SH3GL1: variants seen among roughly 807,000 people sequenced by gnomAD.
SH3GL1 encodes SH3 domain containing GRB2 like 1, endophilin A2, also known as endophilin-A2.
In SH3GL1, 21 loss-of-function variants were observed where a neutral mutation model predicts 48.8. The ratio of observed to expected loss-of-function variants is 0.43; its 90% CI spans 0.30 to 0.62. The LOEUF (loss-of-function observed/expected upper bound fraction) is 0.62. Among genes scored for constraint, SH3GL1 ranks in the 20% least tolerant of loss-of-function variants. SH3GL1 has a pLI of 0.11. For synonymous variants in SH3GL1, 282 were observed against 217.5 expected, an observed-to-expected ratio of 1.30 and a Z score of -2.61; for missense variants, 454 against 503.0, an observed-to-expected ratio of 0.90 and a Z score of 0.93.
intron 1 of SH3GL1, among the ~76,000 whole-genome samples, chr19:4,371,229 G>A (rs1024137266): frequency 4.6e-5 from 7 of 152,268 alleles, no homozygotes; most frequent in African/African-American, 1.7e-4. Flanking sequence ...AGAATACAAG[G>A]TGGAAAAATA....
At chr19:4,394,805 G>C (rs1973396735) in intron 1 of SH3GL1, among the ~76,000 whole-genome samples, 1 of 152,230 alleles carries the variant, frequency 6.6e-6, no homozygotes, top group Non-Finnish European at 1.5e-5. Context: ...GGTTTCTTAA[G>C]CTCAACTCTA....
intron 1 of SH3GL1, among the ~76,000 whole-genome samples, chr19:4,371,929 GGT>G (rs1167475019): frequency 3.3e-5 from 5 of 152,276 alleles, no homozygotes; most frequent in African/African-American, 1.2e-4. Flanking sequence ...AGAAATGGCA[GGT>G]GGGCACGGCT....
Position 4,400,434 on chromosome 19 carries a change from C to T in SH3GL1, c.-66G>A, listed in dbSNP as rs1599628561. On this transcript the variant is annotated 5_prime_UTR_variant, in exon 1 of 10. Transcript: ENST00000269886. The surrounding 1 kb of genome is among the most constrained non-coding windows in gnomAD (Gnocchi z 4.1). ...GCGACAGGCTCCCGGGCGCCGCCGA[C>T]CCTCTGCGCGCCTCAGCAGTCCCCG... 6.9e-7 allele frequency: 1 copy of T among 1,451,130 alleles called. No homozygotes were observed. The highest frequency in any genetic ancestry group is 9.1e-7 in the Non-Finnish European group (1 of 1,103,180). The allele number at this position is 1,451,130 out of a possible 1,614,324, so 89.9% of individuals were successfully genotyped here.
At chr19:4,398,792 A>G (rs1973467905) in intron 1 of SH3GL1, among the ~76,000 whole-genome samples, 1 of 152,180 alleles carries the variant, frequency 6.6e-6, no homozygotes, top group Non-Finnish European at 1.5e-5. Context: ...GGAGTTTCCA[A>G]AAAAAACCCT....
chr19:4,366,705 G>A lies in SH3GL1; in HGVS notation c.115-132C>T, dbSNP rs1158240689. 4 of 965,290 alleles carry A rather than the reference G, an allele frequency of 4.1e-6. No homozygotes were observed. The African/African-American group carries it at 4.8e-5, about 12-fold the overall frequency. The allele number at this position is 965,290 out of a possible 1,614,324, so 59.8% of individuals were successfully genotyped here. A position where few individuals can be genotyped will look rare whatever the true frequency, so the allele number is the denominator to read the frequency against. On this transcript the variant is annotated intron_variant, in intron 2 of 9. Transcript: ENST00000269886. Reference sequence around the variant, plus strand: ...CCCCAACCCCCTCTCCATGTCTTCAGCTCAGCCATGTCCCCACAGCTGCCT... The same window carrying A: ...CCCCAACCCCCTCTCCATGTCTTCAACTCAGCCATGTCCCCACAGCTGCCT...
At chr19:4,379,340 T>G (rs1469267809) in intron 1 of SH3GL1, among the ~76,000 whole-genome samples, 4 of 151,848 alleles carry the variant, frequency 2.6e-5, no homozygotes, top group African/African-American at 7.2e-5. Context: ...GCAGGAGAAT[T>G]TCTTGAACCC....
At chr19:4,366,615 G>A (rs1972786107) in intron 2 of SH3GL1, 42 bp from the exon 3 acceptor site, 10 of 1,572,830 alleles carry the variant, frequency 6.4e-6, no homozygotes, top group Non-Finnish European at 7.8e-6. Flanking sequence ...AGCCAGTGGG[G>A]GCCCAAGGCA....
chr19:4,372,357 C>T (rs1972919546), intron 1 of SH3GL1, among the ~76,000 whole-genome samples: 1 of 152,224 alleles, frequency 6.6e-6, no homozygotes, highest in African/African-American at 2.4e-5. Context: ...GAGTGCTCAG[C>T]CCCTCCTCAC....
At chr19:4,363,264 G>A (rs1363481609) in intron 7 of SH3GL1, 106 bp downstream of exon 7, 4 of 858,376 alleles carry the variant, frequency 4.7e-6, no homozygotes, top group African/African-American at 3.3e-5. Flanking sequence ...AATCCAGGAT[G>A]CTGCTCTGCC....
At chr19:4,388,589 T>C (rs899802540) in intron 1 of SH3GL1, among the ~76,000 whole-genome samples, 6 of 152,198 alleles carry the variant, frequency 3.9e-5, no homozygotes. Context: ...GGCCCAGCCA[T>C]GGCAAAAGTC....
At chr19:4,395,891 A>G (rs1367844764) in intron 1 of SH3GL1, 1 of 152,000 alleles carries the variant, frequency 6.6e-6, no homozygotes, top group Non-Finnish European at 1.5e-5. Context: ...AGCCTGGGTG[A>G]CAGAGCAAGA....
chr19:4,400,496 G>A lies in SH3GL1; in HGVS notation c.-128C>T, dbSNP rs1468553591. On this transcript the variant is annotated 5_prime_UTR_variant, in exon 1 of 10. Transcript: ENST00000269886. The surrounding 1 kb of genome is among the most constrained non-coding windows in gnomAD (Gnocchi z 4.1). The stretch of plus-strand genomic sequence containing the variant: ...TCCGCCACCCGCTTGCCAGCTCCGC[G>A]CCCGCCCCGGCGCCGCCTCAGCCGC... The A allele has an allele frequency of 6.6e-6, 5 of 755,246 alleles. No homozygotes were observed. The highest frequency in any genetic ancestry group is 1.1e-4 in the Admixed American group (2 of 17,652). 46.8% of individuals were successfully genotyped at this position (755,246 alleles called of 1,614,324 possible). A position where few individuals can be genotyped will look rare whatever the true frequency, so the allele number is the denominator to read the frequency against.
chr19:4,377,184 G>A (rs1973025756), intron 1 of SH3GL1, among the ~76,000 whole-genome samples: 1 of 152,236 alleles, frequency 6.6e-6, no homozygotes, highest in Non-Finnish European at 1.5e-5. Flanking sequence ...TGGGGACCCA[G>A]CTACCACATT....
intron 1 of SH3GL1, among the ~76,000 whole-genome samples, chr19:4,399,417 AAGGG>A (rs1458314892): frequency 1.3e-5 from 2 of 149,142 alleles, no homozygotes; most frequent in African/African-American, 4.9e-5. Context: ...GAAAGAAGAG[AAGGG>A]AGGGAGGGAG....
intron 1 of SH3GL1, among the ~76,000 whole-genome samples, chr19:4,378,601 G>A (rs1973059200): frequency 1.3e-5 from 2 of 152,154 alleles, no homozygotes; most frequent in South Asian, 4.1e-4. Context: ...TGTAATCCCA[G>A]CTACTTGGGA....
At chr19:4,388,753 G>C (rs538601676) in intron 1 of SH3GL1, among the ~76,000 whole-genome samples, 12 of 152,364 alleles carry the variant, frequency 7.9e-5, no homozygotes, top group African/African-American at 1.9e-4. Flanking sequence ...CTCGATCAAG[G>C]GGGGAAGCAG....
intron 1 of SH3GL1, among the ~76,000 whole-genome samples, chr19:4,385,418 G>A (rs1258823148): frequency 6.6e-6 from 1 of 152,236 alleles, no homozygotes; most frequent in Non-Finnish European, 1.5e-5. Flanking sequence ...TCTGAATGCA[G>A]TAAGAGGCAA....
At position 4,388,474 on chromosome 19, in the gene SH3GL1, AG is replaced by A. The variant is rs543980179; in HGVS notation, c.45+11849del. On this transcript the variant is annotated intron_variant, in intron 1 of 9. Coordinates refer to ENST00000269886, the MANE Select transcript of SH3GL1 (RefSeq NM_003025.4). The stretch of plus-strand genomic sequence containing the variant: ...CTCAGAGACAGAAGGGGCCATCCAC[AG>A]GGAGAAGTGGGAGGAGCCGCAGGGC... 1.7e-4 allele frequency among the ~76,000 whole-genome samples: 26 copies of A among 152,302 alleles called. No individual in the cohort carries two copies. The South Asian group carries it at 5.2e-3, about 30-fold the overall frequency.
rs1599628274 is a variant in SH3GL1, at chr19:4,400,205, C to T, written c.45+119G>A. ...CTTGGTCTTCCCACCTGGCAGGGGA[C>T]ACGCGCCAACGTCCCCACCTCGGTC... On this transcript the variant is annotated intron_variant, in intron 1 of 9. Coordinates refer to ENST00000269886, the MANE Select transcript of SH3GL1 (RefSeq NM_003025.4). This position sits in a 1 kb window ranked among gnomAD's most constrained non-coding sequence, Gnocchi z 4.1. 9.0e-7 allele frequency: 1 copy of T among 1,114,152 alleles called. No homozygotes were observed. The highest frequency in any genetic ancestry group is 3.0e-5 in the East Asian group (1 of 33,042). 69.0% of individuals were successfully genotyped at this position (1,114,152 alleles called of 1,614,324 possible). A position where few individuals can be genotyped will look rare whatever the true frequency, so the allele number is the denominator to read the frequency against.
Sources: allele counts gnomAD v4.1 joint callset (sites outside exome capture counted in the v4.1 genomes callset), GRCh38; gene constraint gnomAD v4.1.1; non-coding constraint Gnocchi (gnomAD v3.1); transcripts MANE v1.5; gene names NCBI Gene and HGNC (gene_info 2026-07-23, HGNC 2026-07-21).